Variants in RNF128 observed in about 807,000 individuals in gnomAD.
RNF128 encodes the protein E3 ubiquitin-protein ligase RNF128.
Under a neutral mutation model 26.2 loss-of-function variants are expected in RNF128, and 13 were observed. The ratio of observed to expected loss-of-function variants is 0.50; its 90% CI spans 0.32 to 0.79. The LOEUF is 0.79. Among genes scored for constraint, RNF128 ranks in the 30% least tolerant of loss-of-function variants. The pLI, the probability that RNF128 is intolerant of heterozygous loss-of-function variation, is 0.03. For synonymous variants in RNF128, 149 were observed against 142.5 expected (o/e 1.05, Z -0.32); for missense variants, 315 against 349.7 (o/e 0.90, Z 0.79).
upstream of RNF128, among the ~76,000 whole-genome samples, chrX:106,723,307 G>A (rs759641816): frequency 3.1e-4 from 35 of 111,525 alleles, no homozygotes; most frequent in South Asian, 2.3e-3. Flanking sequence ...GGTGGCTCAC[G>A]CCTGTAATCC....
intron 1 of RNF128, among the ~76,000 whole-genome samples, chrX:106,767,611 TG>T (rs1930276654): frequency 8.9e-6 from 1 of 111,984 alleles, no homozygotes; most frequent in African/African-American, 3.2e-5. Context: ...GAGGAGAATT[TG>T]GGCTGAGACG....
chrX:106,742,800 G>A (rs922325377), intron 1 of RNF128, among the ~76,000 whole-genome samples: 10 of 110,955 alleles, frequency 9.0e-5, no homozygotes, highest in African/African-American at 1.3e-4. Flanking sequence ...GAAACAGAAA[G>A]TGCTAGTTTC....
chrX:106,770,195 A>G (rs1273200312), intron 1 of RNF128, among the ~76,000 whole-genome samples: 4 of 110,804 alleles, frequency 3.6e-5, no homozygotes, highest in African/African-American at 6.6e-5. Flanking sequence ...CTTCTTTTCA[A>G]CTTTGGTGAA....
intron 1 of RNF128, among the ~76,000 whole-genome samples, chrX:106,705,303 C>A (rs1929027173): frequency 9.0e-6 from 1 of 111,708 alleles, no homozygotes; most frequent in Non-Finnish European, 1.9e-5. Flanking sequence ...ATTTGGGGCT[C>A]TTTTAATAAA....
intron 2 of RNF128, among the ~76,000 whole-genome samples, chrX:106,780,387 T>G (rs1299808896): frequency 8.9e-6 from 1 of 111,976 alleles, no homozygotes. Context: ...AACCATGTAG[T>G]GGAGATTCTT....
intron 1 of RNF128, among the ~76,000 whole-genome samples, chrX:106,705,731 T>C (rs377610410): frequency 3.0e-4 from 34 of 112,099 alleles, no homozygotes; most frequent in African/African-American, 9.4e-4. Flanking sequence ...AGTTAACTTA[T>C]GTATAGCAAG....
chrX:106,732,251 C>T (rs921764962), intron 1 of RNF128, among the ~76,000 whole-genome samples: 1 of 111,982 alleles, frequency 8.9e-6, no homozygotes, highest in Non-Finnish European at 1.9e-5. Flanking sequence ...GCACAGCCCA[C>T]ACCCAAAACA....
chrX:106,788,410 TA>T (rs1930716698), intron 4 of RNF128, among the ~76,000 whole-genome samples: 1 of 45,524 alleles, frequency 2.2e-5, no homozygotes, highest in Non-Finnish European at 3.6e-5. Context: ...ATATAATATA[TA>T]ATATATAATA....
At chrX:106,754,331 C>T (rs1013118856) in intron 1 of RNF128, among the ~76,000 whole-genome samples, 9 of 107,954 alleles carry the variant, frequency 8.3e-5, no homozygotes, top group African/African-American at 3.0e-4. Context: ...AGGGAACCTT[C>T]CACCTCAGCC....
In RNF128 at chrX:106,790,164, TTA is replaced by T. The variant is rs766285192; in HGVS notation, c.888-20_888-19del. 9.6e-7 allele frequency: 1 copy of T among 1,040,221 alleles called. No individual in the cohort carries two copies. The highest frequency in any genetic ancestry group is 2.2e-5 in the Admixed American group (1 of 44,614). 85.7% of individuals were successfully genotyped at this position (1,040,221 alleles called of 1,213,427 possible). A position where few individuals can be genotyped will look rare whatever the true frequency, so the allele number is the denominator to read the frequency against. ...AGTGTTGCTACTTTACAACTGATAATTATGTTTTTTTCCTGAATTAGCCATAT... is the reference window on the plus strand; with the variant it reads ...AGTGTTGCTACTTTACAACTGATAATTGTTTTTTTCCTGAATTAGCCATAT... On this transcript the variant is annotated intron_variant, in intron 4 of 6. Coordinates refer to ENST00000255499, the MANE Select transcript of RNF128 (RefSeq NM_194463.2).
intron 1 of RNF128, among the ~76,000 whole-genome samples, chrX:106,761,835 C>T (rs1930124972): frequency 9.1e-6 from 1 of 109,886 alleles, no homozygotes; most frequent in South Asian, 3.9e-4. Flanking sequence ...CCTCTTTGGT[C>T]CCCTGTCACT....
At chrX:106,741,994 T>C (rs1223278437) in intron 1 of RNF128, among the ~76,000 whole-genome samples, 2 of 111,904 alleles carry the variant, frequency 1.8e-5, no homozygotes, top group East Asian at 5.6e-4. Context: ...TAAGGGTCTT[T>C]TGAAAAAGAA....
At chrX:106,770,795 G>A (rs1318987964) in intron 1 of RNF128, among the ~76,000 whole-genome samples, 2 of 112,012 alleles carry the variant, frequency 1.8e-5, no homozygotes, top group Non-Finnish European at 3.8e-5. Context: ...TCTGTTGCTG[G>A]CGAGGAGCTG....
At chrX:106,752,992 G>A (rs112304071) in intron 1 of RNF128, among the ~76,000 whole-genome samples, 4,951 of 110,962 alleles carry the variant, frequency 0.045, 310 homozygotes, top group African/African-American at 0.15. Flanking sequence ...CTTGAAGAGG[G>A]GCTGTTTGAA....
intron 6 of RNF128, among the ~76,000 whole-genome samples, chrX:106,793,938 T>C (rs1262995014): frequency 1.8e-5 from 2 of 111,049 alleles, no homozygotes; most frequent in African/African-American, 6.5e-5. Context: ...TTGTAATTAT[T>C]AAATATCTTA....
chrX:106,772,310 G>A (rs1426589865), intron 1 of RNF128, among the ~76,000 whole-genome samples: 1 of 111,618 alleles, frequency 9.0e-6, no homozygotes, highest in East Asian at 2.8e-4. Context: ...GATCACGTCT[G>A]TGTAAAACCT....
At chrX:106,744,950 T>C (rs1294842530) in intron 1 of RNF128, among the ~76,000 whole-genome samples, 2 of 111,328 alleles carry the variant, frequency 1.8e-5, no homozygotes, top group Non-Finnish European at 3.8e-5. Flanking sequence ...ACGTTAAACA[T>C]AACCACTAGT....
At chrX:106,754,447 G>A (rs1453988717) in intron 1 of RNF128, among the ~76,000 whole-genome samples, 5 of 58,721 alleles carry the variant, frequency 8.5e-5, no homozygotes, top group Non-Finnish European at 1.3e-4. Context: ...TTTTTGTAGC[G>A]ACAGGGTCTC....
intron 4 of RNF128, among the ~76,000 whole-genome samples, 169 bp from the exon 5 acceptor site, chrX:106,790,001 AAAGTACCGTATTATGG>A (rs1406935473): frequency 5.4e-5 from 6 of 110,431 alleles, no homozygotes; most frequent in Non-Finnish European, 9.5e-5. Flanking sequence ...TTTACATTTA[AAAGTACCGTATTATGG>A]AATTTCCAAA....
Sources: allele counts gnomAD v4.1 joint callset (sites outside exome capture counted in the v4.1 genomes callset), GRCh38; gene constraint gnomAD v4.1.1; transcripts MANE v1.5; gene names NCBI Gene and HGNC (gene_info 2026-07-23, HGNC 2026-07-21).